The following LDAF1 variants were observed in gnomAD, a reference collection of about 807,000 sequenced individuals.
LDAF1 encodes lipid droplet assembly factor 1.
A neutral mutation model predicts 13.5 loss-of-function variants in LDAF1; 7 were observed. The observed-to-expected ratio is 0.52, with a 90% confidence interval of 0.29 to 0.97. The LOEUF (loss-of-function observed/expected upper bound fraction) is 0.97. LDAF1 is among the 50% of genes least tolerant of loss of function. The probability of loss-of-function intolerance (pLI) is 0.07; values close to 1 mark genes in which losing one functional copy is unlikely to be tolerated. For synonymous variants in LDAF1, 69 were observed against 77.1 expected (o/e 0.89, Z 0.55); for missense variants, 148 against 193.2 (o/e 0.77, Z 1.39).
At chr16:21,176,494 T>C (rs2093139524) in intron 4 of LDAF1, among the ~76,000 whole-genome samples, 1 of 152,034 alleles carries the variant, frequency 6.6e-6, no homozygotes, top group African/African-American at 2.4e-5. Flanking sequence ...AATACAAAAA[T>C]TAGCCAACTG....
chr16:21,160,135 A>G (rs8182130), intron 1 of LDAF1: 101,458 of 237,850 alleles, frequency 0.43, 22,437 homozygotes, highest in East Asian at 0.69. Flanking sequence ...GGATCTCTCA[A>G]TTAATTTTGG....
intron 4 of LDAF1, among the ~76,000 whole-genome samples, chr16:21,177,614 G>T (rs559046765): frequency 6.9e-6 from 1 of 143,908 alleles, no homozygotes; most frequent in Non-Finnish European, 1.5e-5. Flanking sequence ...TTGCATTAGC[G>T]AATTCTTTTT....
Position 21,161,269 on chromosome 16 carries a change from T to C in LDAF1, c.87T>C (p.Asn29=), listed in dbSNP as rs1451078642. 3 of 1,614,138 alleles carry C rather than the reference T, an allele frequency of 1.9e-6. No individual in the cohort carries two copies. Among genetic ancestry groups the C allele is most frequent in the Admixed American group, 1.7e-5 (1 of 60,012 alleles). The change falls in exon 2 of 5, where the codon AAT becomes AAC. Residue 29 remains asparagine (N), a synonymous_variant. Coordinates refer to ENST00000233047, the MANE Select transcript of LDAF1 (RefSeq NM_001301771.2). ...CTCTGCTGATAGACTCCTTCCAGAA[T>C]AACTCAAAGGTCAGTTTCCAATCAC... ...KLSLLIDSFQ[N]NSKVVAFMKS... is the part of the protein sequence containing the mutation.
At position 21,179,727 on chromosome 16, in the gene LDAF1, T is replaced by G; in HGVS notation, c.*171T>G. 2 of 584,322 alleles carry G rather than the reference T, an allele frequency of 3.4e-6. No homozygotes were observed. The highest frequency in any genetic ancestry group is 4.2e-5 in the South Asian group (2 of 47,986). 36.2% of individuals were successfully genotyped at this position (584,322 alleles called of 1,614,324 possible). A position where few individuals can be genotyped will look rare whatever the true frequency, so the allele number is the denominator to read the frequency against. ...AGCAGCCAATTTAGGGATTGTGTTGTTCTTGTGTTGGTTCCCATGTAAAGA... is the reference window on the plus strand; with the variant it reads ...AGCAGCCAATTTAGGGATTGTGTTGGTCTTGTGTTGGTTCCCATGTAAAGA... On this transcript the variant is annotated 3_prime_UTR_variant, in exon 5 of 5. Coordinates refer to ENST00000233047, the MANE Select transcript of LDAF1 (RefSeq NM_001301771.2).
intron 2 of LDAF1, chr16:21,165,575 C>T (rs1331782519): frequency 1.0e-6 from 1 of 984,128 alleles, no homozygotes; most frequent in Non-Finnish European, 1.2e-6. Context: ...CTTCTCTTCC[C>T]TCTCTGCCAT....
rs1031649942 is a variant in LDAF1, at chr16:21,168,610, A to G, written c.97-1827A>G. ...ATATAATATATAATAATGCTATATGAATATTGATAACTAATATTAGTATAA... is the reference window on the plus strand; with the variant it reads ...ATATAATATATAATAATGCTATATGGATATTGATAACTAATATTAGTATAA... On this transcript the variant is annotated intron_variant, in intron 2 of 4. Coordinates refer to ENST00000233047, the MANE Select transcript of LDAF1 (RefSeq NM_001301771.2). Among the ~76,000 whole-genome samples, 569 of 142,766 alleles carry G rather than the reference A, an allele frequency of 4.0e-3. 2 individuals are homozygous for G. The highest frequency in any genetic ancestry group is 6.5e-3 in the Non-Finnish European group (428 of 66,232). 93.7% of individuals were successfully genotyped at this position (142,766 alleles called of 152,430 possible).
At chr16:21,173,541 C>G (rs2093109621) in intron 3 of LDAF1, among the ~76,000 whole-genome samples, 1 of 152,188 alleles carries the variant, frequency 6.6e-6, no homozygotes, top group East Asian at 1.9e-4. Context: ...TAGTGAAACC[C>G]CATCTCCTCT....
rs1231023357 is a variant in LDAF1 at position 21,161,097 on chromosome 16, C to A, written c.-86C>A. On this transcript the variant is annotated 5_prime_UTR_variant, in exon 2 of 5. Coordinates refer to ENST00000233047, the MANE Select transcript of LDAF1 (RefSeq NM_001301771.2). ...CCTCTGGTAACAGCAAGAGACAGAGCGACATGAGAGATTGGACCGCGGGCT... is the reference window on the plus strand; with the variant it reads ...CCTCTGGTAACAGCAAGAGACAGAGAGACATGAGAGATTGGACCGCGGGCT... 5 of 1,564,384 alleles carry A rather than the reference C, an allele frequency of 3.2e-6. No homozygotes were observed. The highest frequency in any genetic ancestry group is 3.9e-5 in the Admixed American group (2 of 51,904).
chr16:21,159,363 T>A lies in LDAF1; in HGVS notation c.-99+617T>A, dbSNP rs945709688. 1.2e-6 allele frequency: 2 copies of A among 1,614,162 alleles called. No individual in the cohort carries two copies. The highest frequency in any genetic ancestry group is 8.5e-7 in the Non-Finnish European group (1 of 1,180,026). ...CCTTCCTCCTCTCCTTGGGTCTCCC[T>A]GGCTTTTGAACGCTGAAAGGCTGGG... is the stretch of plus-strand genomic sequence containing the variant. On this transcript the variant is annotated intron_variant, in intron 1 of 4. Coordinates refer to ENST00000233047, the MANE Select transcript of LDAF1 (RefSeq NM_001301771.2).
chr16:21,175,275 G>C (rs1306886615), intron 4 of LDAF1, among the ~76,000 whole-genome samples: 1 of 152,132 alleles, frequency 6.6e-6, no homozygotes, highest in Non-Finnish European at 1.5e-5. Context: ...CACTTTCCAG[G>C]CCTTATGTCA....
chr16:21,174,162 C>T lies in LDAF1; in HGVS notation c.404+14C>T. On this transcript the variant is annotated intron_variant, in intron 4 of 4. Coordinates refer to ENST00000233047, the MANE Select transcript of LDAF1 (RefSeq NM_001301771.2). ...GTTTTCTCCCAGGTAAATACATGTC[C>T]ATGAAATAATTTATTTTTTTAATCT... The T allele has an allele frequency of 6.3e-7, 1 of 1,588,344 alleles. No homozygotes were observed. Among genetic ancestry groups the T allele is most frequent in the Non-Finnish European group, 8.5e-7 (1 of 1,172,752 alleles).
chr16:21,179,978 A>G lies in LDAF1; in HGVS notation c.*422A>G, dbSNP rs556302256. The G allele has an allele frequency of 1.3e-5, 2 of 157,280 alleles. No individual in the cohort carries two copies. The highest frequency in any genetic ancestry group is 4.8e-5 in the African/African-American group (2 of 41,628). 9.7% of individuals were successfully genotyped at this position (157,280 alleles called of 1,614,324 possible). On this transcript the variant is annotated 3_prime_UTR_variant, in exon 5 of 5. Transcript: ENST00000233047. Reference sequence around the variant, plus strand: ...CTCATGTGAAACAAAATGAAAAAAAAAATCCAAAACAGAACAAGCCCTTCT... The same window carrying G: ...CTCATGTGAAACAAAATGAAAAAAAGAATCCAAAACAGAACAAGCCCTTCT...
At chr16:21,165,465 G>C (rs1209688978) in intron 2 of LDAF1, 1 of 427,544 alleles carries the variant, frequency 2.3e-6, no homozygotes, top group Non-Finnish European at 3.1e-6. Flanking sequence ...AAGTGGAACA[G>C]TCTTGCCTGT....
chr16:21,159,987 A>G lies in LDAF1; in HGVS notation c.-98-1098A>G, dbSNP rs1434880310. ...GTCCCCTCCTCAACTTTCCCCTCCAAAGGGTTTCTTGTTTTACAAAAGGGA... is the reference window on the plus strand; with the variant it reads ...GTCCCCTCCTCAACTTTCCCCTCCAGAGGGTTTCTTGTTTTACAAAAGGGA... On this transcript the variant is annotated intron_variant, in intron 1 of 4. Coordinates refer to ENST00000233047, the MANE Select transcript of LDAF1 (RefSeq NM_001301771.2). 11 of 984,892 alleles carry G rather than the reference A, an allele frequency of 1.1e-5. No homozygotes were observed. The African/African-American group carries it at 1.7e-4, about 16-fold the overall frequency. The allele number at this position is 984,892 out of a possible 1,614,324, so 61.0% of individuals were successfully genotyped here. A position where few individuals can be genotyped will look rare whatever the true frequency, so the allele number is the denominator to read the frequency against.
intron 2 of LDAF1, among the ~76,000 whole-genome samples, chr16:21,167,260 C>G (rs995023041): frequency 6.6e-6 from 1 of 152,202 alleles, no homozygotes; most frequent in African/African-American, 2.4e-5. Flanking sequence ...TCCTAGGAGG[C>G]ACATGTGTTT....
intron 2 of LDAF1, 134 bp from the exon 3 acceptor site, chr16:21,170,303 T>A (rs2093074237): frequency 6.5e-7 from 1 of 1,532,238 alleles, no homozygotes; most frequent in Non-Finnish European, 8.8e-7. Flanking sequence ...GCACCCGGCC[T>A]GTAGTGACTT....
In LDAF1 at chr16:21,179,478, A is replaced by G; in HGVS notation, c.408A>G (p.Pro136=). The G allele has an allele frequency of 6.2e-7, 1 of 1,614,192 alleles. No individual in the cohort carries two copies. The highest frequency in any genetic ancestry group is 8.5e-7 in the Non-Finnish European group (1 of 1,180,030). ...ATCTCTTCTTGTTATCCGACAGGCCACTGACACAGCAAAACACCAGTTGTG... is the reference window on the plus strand; with the variant it reads ...ATCTCTTCTTGTTATCCGACAGGCCGCTGACACAGCAAAACACCAGTTGTG... ...SLISCWFSPR[P]LTQQNTSCDF... Residue 136 remains proline (P), a synonymous_variant, in exon 5 of 5, where the codon CCA becomes CCG. Transcript: ENST00000233047.
chr16:21,167,744 C>G (rs970637253), intron 2 of LDAF1, among the ~76,000 whole-genome samples: 3 of 111,662 alleles, frequency 2.7e-5, no homozygotes, highest in African/African-American at 1.0e-4. Flanking sequence ...CGGTATCCCA[C>G]GCCTGTAATC....
intron 2 of LDAF1, among the ~76,000 whole-genome samples, chr16:21,166,510 G>A (rs560899559): frequency 3.7e-4 from 56 of 152,288 alleles, no homozygotes; most frequent in African/African-American, 1.3e-3. Flanking sequence ...GCTGAATGGC[G>A]CAGGTGGCCT....
Sources: gnomAD v4.1 joint callset for allele counts (sites outside exome capture counted in the v4.1 genomes callset) on GRCh38, gnomAD v4.1.1 for gene constraint, MANE v1.5 for transcripts, NCBI Gene and HGNC (gene_info 2026-07-23, HGNC 2026-07-21) for gene names.